Variants in HDLBP observed in about 807,000 individuals in gnomAD.
HDLBP encodes high density lipoprotein binding protein.
Under a neutral mutation model 137.3 loss-of-function variants are expected in HDLBP, and 30 were observed. That is an observed-to-expected ratio of 0.22 (90% confidence interval 0.16 to 0.30). The LOEUF is 0.30. Ranked by LOEUF, HDLBP falls within the 10% of genes least tolerant of loss-of-function variation. HDLBP has a pLI of 1.00. For synonymous variants in HDLBP, 606 were observed against 596.0 expected (o/e 1.02, Z -0.24); for missense variants, 1,119 against 1,667.3 (o/e 0.67, Z 5.73).
At chr2:241,305,760 GTTT>G (rs1195214073) in intron 1 of HDLBP, among the ~76,000 whole-genome samples, 19 of 135,984 alleles carry the variant, frequency 1.4e-4, no homozygotes, top group Admixed American at 1.2e-3. Flanking sequence ...TTGTTTATTT[GTTT>G]TTTTTTTTTT....
rs993146369 is a variant in HDLBP, at chr2:241,236,436, C to T, written c.2904+179G>A. 7.7e-6 allele frequency: 5 copies of T among 650,516 alleles called. No individual in the cohort carries two copies. In the African/African-American group the frequency reaches 9.1e-5, roughly 12 times the overall value. 40.3% of individuals were successfully genotyped at this position (650,516 alleles called of 1,614,324 possible). ...GAGCCTTGGTGAAGGGAAGTGGCCT[C>T]CCCAAACTCTGTGTCCAGCCGAGAA... On this transcript the variant is annotated intron_variant, in intron 21 of 27. Coordinates refer to ENST00000310931, the MANE Select transcript of HDLBP (RefSeq NM_005336.6).
intron 16 of HDLBP, 55 bp downstream of exon 16, chr2:241,246,697 A>C: frequency 6.4e-7 from 1 of 1,567,024 alleles, no homozygotes; most frequent in Admixed American, 1.7e-5. Context: ...GCTCAATCTT[A>C]GAGGCTGTTA....
At chr2:241,236,797 T>C (rs1401930925) in intron 20 of HDLBP, 28 bp from the exon 21 acceptor site, 2 of 1,610,268 alleles carry the variant, frequency 1.2e-6, no homozygotes, top group African/African-American at 2.7e-5. Flanking sequence ...AAGGGACAGC[T>C]GACAGCTGCT....
intron 23 of HDLBP, among the ~76,000 whole-genome samples, chr2:241,234,215 C>T (rs941124184): frequency 6.6e-6 from 1 of 152,204 alleles, no homozygotes; most frequent in Non-Finnish European, 1.5e-5. Flanking sequence ...GGACCACTTG[C>T]GAGGATCGTG....
chr2:241,253,866 T>A (rs2072401472), intron 9 of HDLBP, among the ~76,000 whole-genome samples: 1 of 152,172 alleles, frequency 6.6e-6, no homozygotes, highest in Admixed American at 6.5e-5. Context: ...ATTTTAAAAC[T>A]CGTATAGCTG....
chr2:241,279,245 T>C (rs1189687393), intron 1 of HDLBP, among the ~76,000 whole-genome samples: 1 of 152,178 alleles, frequency 6.6e-6, no homozygotes, highest in Admixed American at 6.5e-5. Context: ...TATGTGTGTG[T>C]ATGGAATTTT....
At chr2:241,269,888 C>T (rs2073930833) in intron 1 of HDLBP, among the ~76,000 whole-genome samples, 1 of 152,080 alleles carries the variant, frequency 6.6e-6, no homozygotes, top group African/African-American at 2.4e-5. Flanking sequence ...CACCCTCCGC[C>T]CTCCCACGCT....
chr2:241,293,621 TAAAAC>T (rs1286088988), intron 1 of HDLBP, among the ~76,000 whole-genome samples: 5 of 120,146 alleles, frequency 4.2e-5, no homozygotes, highest in African/African-American at 1.3e-4. Context: ...CAAAAAAAAT[TAAAAC>T]AAAACAAAAC....
chr2:241,261,764 T>C (rs537831007), intron 5 of HDLBP, among the ~76,000 whole-genome samples: 3 of 152,320 alleles, frequency 2.0e-5, no homozygotes, highest in Non-Finnish European at 4.4e-5. Flanking sequence ...GATGCCCCCA[T>C]GTGGTTAAGT....
At chr2:241,262,961 A>G (rs779845467) in intron 4 of HDLBP, 35 bp from the exon 5 acceptor site, 24 of 1,545,290 alleles carry the variant, frequency 1.6e-5, no homozygotes, top group Non-Finnish European at 2.1e-5. Context: ...AAAGGTTAAG[A>G]GATTAAAAGA....
At chr2:241,256,912 C>T (rs1276871487) in intron 5 of HDLBP, 106 bp from the exon 6 acceptor site, 3 of 876,708 alleles carry the variant, frequency 3.4e-6, no homozygotes, top group Admixed American at 2.1e-5. Flanking sequence ...TTATTCCTGC[C>T]CAGCAGCACC....
At chr2:241,236,495 G>A in intron 21 of HDLBP, 120 bp downstream of exon 21, 4 of 990,356 alleles carry the variant, frequency 4.0e-6, no homozygotes, top group Non-Finnish European at 6.3e-6. Flanking sequence ...GGAGCAAGAG[G>A]GCTACCTCCA....
At chr2:241,281,095 C>T (rs1350273075) in intron 1 of HDLBP, among the ~76,000 whole-genome samples, 2 of 152,210 alleles carry the variant, frequency 1.3e-5, no homozygotes, top group African/African-American at 4.8e-5. Flanking sequence ...GTGGCTCACG[C>T]CTGTAATCCC....
chr2:241,247,974 A>G (rs768914359), intron 14 of HDLBP, 29 bp downstream of exon 14: 201 of 1,512,728 alleles, frequency 1.3e-4, no homozygotes, highest in Non-Finnish European at 1.8e-4. Context: ...AGGTGCTGTC[A>G]TACAAGAAAG....
rs79462721 is a variant in HDLBP at position 241,281,960 on chromosome 2, T to A, written c.-102-13419A>T. ...TAAACTGACAAGGGAGTTTTTCTCATTAGTAAACTTTATATAACAATCTTA... is the reference window on the plus strand; with the variant it reads ...TAAACTGACAAGGGAGTTTTTCTCAATAGTAAACTTTATATAACAATCTTA... On this transcript the variant is annotated intron_variant, in intron 1 of 27. Transcript: ENST00000310931. Among the ~76,000 whole-genome samples the A allele has an allele frequency of 4.8e-3, 735 of 152,356 alleles. 3 individuals are homozygous for A. The highest frequency in any genetic ancestry group is 0.015 in the African/African-American group (636 of 41,580).
At chr2:241,256,043 G>T in intron 7 of HDLBP, 141 bp downstream of exon 7, 1 of 718,930 alleles carries the variant, frequency 1.4e-6, no homozygotes, top group Non-Finnish European at 2.4e-6. Flanking sequence ...TCTCACCCGG[G>T]TCACTCAAGT....
In HDLBP at chr2:241,228,542, TGCTGAGGGAGAGC is replaced by T. The variant is rs1267049819; in HGVS notation, c.*1046_*1058del. ...GGCCTGCTGGCCACTGACCCACCTG[TGCTGAGGGAGAGC>T]GCCAGCCTCCAGCTTAGGTACACGG... is the stretch of plus-strand genomic sequence containing the variant. On this transcript the variant is annotated 3_prime_UTR_variant, in exon 28 of 28. Transcript: ENST00000310931. 1.3e-5 allele frequency: 2 copies of T among 152,442 alleles called. No individual in the cohort carries two copies. The highest frequency in any genetic ancestry group is 4.8e-5 in the African/African-American group (2 of 41,452). The allele number at this position is 152,442 out of a possible 1,614,324, so 9.4% of individuals were successfully genotyped here.
intron 4 of HDLBP, among the ~76,000 whole-genome samples, chr2:241,264,138 C>T (rs976182591): frequency 5.3e-5 from 8 of 151,690 alleles, no homozygotes; most frequent in South Asian, 2.1e-4. Context: ...CCGAGGAAGG[C>T]GGATCACGAG....
Position 241,242,658 on chromosome 2 carries a change from C to G in HDLBP, c.1971G>C (p.Glu657Asp). The G allele has an allele frequency of 6.2e-7, 1 of 1,613,900 alleles. No individual in the cohort carries two copies. The highest frequency in any genetic ancestry group is 8.5e-7 in the Non-Finnish European group (1 of 1,179,928). ...TGTGCAGCTTGGCAGGGATGGAGACCTCTACCTCGGCTATGTTGGCCTGAA... is the reference window on the plus strand; with the variant it reads ...TGTGCAGCTTGGCAGGGATGGAGACGTCTACCTCGGCTATGTTGGCCTGAA... ...QKDLANIAEV[E>D]VSIPAKLHNS... is the part of the protein sequence containing the mutation. The change falls in exon 17 of 28, where the codon GAG (glutamate) becomes GAC (aspartate). Residue 657 changes from glutamate (E) to aspartate (D), a missense_variant. Glu to Asp is a conservative substitution (Grantham distance 45, BLOSUM62 2). Around this residue, in one of 4 missense-constraint regions of HDLBP, gnomAD observed 425 missense variants for 693.9 expected, o/e 0.61. Coordinates refer to ENST00000310931, the MANE Select transcript of HDLBP (RefSeq NM_005336.6).
Sources: gnomAD v4.1 joint callset for allele counts (sites outside exome capture counted in the v4.1 genomes callset) on GRCh38, gnomAD v4.1.1 for gene constraint, gnomAD v4.1.1 regional missense constraint, MANE v1.5 for transcripts, NCBI Gene and HGNC (gene_info 2026-07-23, HGNC 2026-07-21) for gene names.